The following BICD1 variants were observed in gnomAD, a reference collection of about 807,000 sequenced individuals.
BICD1 encodes the protein BICD cargo adaptor 1.
Under a neutral mutation model 92.5 loss-of-function variants are expected in BICD1, and 35 were observed. The ratio of observed to expected loss-of-function variants is 0.38; its 90% CI spans 0.29 to 0.50. BICD1 has a LOEUF of 0.50. Among genes scored for constraint, BICD1 ranks in the 20% least tolerant of loss-of-function variants. The probability of loss-of-function intolerance (pLI) is 0.93; values close to 1 mark genes in which losing one functional copy is unlikely to be tolerated. For missense variants in BICD1, 950 were observed against 1,189.8 expected, an observed-to-expected ratio of 0.80 and a Z score of 2.97; for synonymous variants, 429 against 465.1, an observed-to-expected ratio of 0.92 and a Z score of 1.00.
At chr12:32,224,183 C>G (rs968013351) in intron 2 of BICD1, among the ~76,000 whole-genome samples, 2 of 152,184 alleles carry the variant, frequency 1.3e-5, no homozygotes, top group Non-Finnish European at 2.9e-5. Context: ...TTGGCTCTTG[C>G]TGGGAAGTTT....
chr12:32,260,907 A>T (rs1269169453), intron 2 of BICD1, among the ~76,000 whole-genome samples: 1 of 152,136 alleles, frequency 6.6e-6, no homozygotes, highest in Non-Finnish European at 1.5e-5. Flanking sequence ...TAAAACTTAA[A>T]CTGCTTGAAT....
At chr12:32,274,999 A>G (rs1331662338) in intron 2 of BICD1, among the ~76,000 whole-genome samples, 1 of 117,472 alleles carries the variant, frequency 8.5e-6, no homozygotes, top group Non-Finnish European at 1.8e-5. Flanking sequence ...CATTGTAAAC[A>G]TTGTGTAAGT....
chr12:32,380,153 T>G lies in BICD1; in HGVS notation c.*2526T>G, dbSNP rs1940130160. ...TTCTCATTTTCAGCACAAAATTAAG[T>G]GATAGTCCCTAAGCAGTAAGAGAGA... On this transcript the variant is annotated 3_prime_UTR_variant, in exon 10 of 10. Coordinates refer to ENST00000652176, the MANE Select transcript of BICD1 (RefSeq NM_001714.4). The G allele has an allele frequency of 6.6e-6, 1 of 152,228 alleles. No homozygotes were observed. Among genetic ancestry groups the G allele is most frequent in the East Asian group, 1.9e-4 (1 of 5,206 alleles). The allele number at this position is 152,228 out of a possible 1,614,324, so 9.4% of individuals were successfully genotyped here.
chr12:32,173,543 A>C (rs1298441580), intron 1 of BICD1, among the ~76,000 whole-genome samples: 1 of 152,206 alleles, frequency 6.6e-6, no homozygotes. Flanking sequence ...CATTCTGGTA[A>C]ATGTTCTCTA....
chr12:32,249,989 AAAGC>A (rs146431590), intron 2 of BICD1, among the ~76,000 whole-genome samples: 4,216 of 151,562 alleles, frequency 0.028, 177 homozygotes, highest in African/African-American at 0.087. Flanking sequence ...GGATGTTGGG[AAAGC>A]TGTATGGTGG....
rs142317064 is a variant in BICD1 at position 32,244,788 on chromosome 12, C to T, written c.426+28329C>T. Among the ~76,000 whole-genome samples, 754 of 152,186 alleles carry T rather than the reference C, an allele frequency of 5.0e-3. 1 individual carries two copies. The highest frequency in any genetic ancestry group is 7.7e-3 in the Non-Finnish European group (525 of 68,014). On this transcript the variant is annotated intron_variant, in intron 2 of 9. Transcript: ENST00000652176. ...GGACTACAGGCACGTGCCACCATGC[C>T]CAGCTAATTTTTGTATTTTTAGTAG...
rs1941497068 is a variant in BICD1 at position 32,107,098 on chromosome 12, G to GC, written c.-232dup. On this transcript the variant is annotated 5_prime_UTR_variant, in exon 1 of 10. It removes the in-frame stop codon of an upstream open reading frame in the 5' UTR. Transcript: ENST00000652176. ...GAGGACACATGCGGCGGCCTTTGCCGCCTCGCCCCTGACCCTCTGCCCTGT... is the reference window on the plus strand; with the variant it reads ...GAGGACACATGCGGCGGCCTTTGCCGCCCTCGCCCCTGACCCTCTGCCCTGT... 1 of 526,310 alleles carries GC rather than the reference G, an allele frequency of 1.9e-6. No individual in the cohort carries two copies. Among genetic ancestry groups the GC allele is most frequent in the African/African-American group, 1.9e-5 (1 of 52,270 alleles). 32.6% of individuals were successfully genotyped at this position (526,310 alleles called of 1,614,324 possible).
In BICD1 at chr12:32,377,733, A is replaced by G; in HGVS notation, c.*106A>G. On this transcript the variant is annotated 3_prime_UTR_variant, in exon 10 of 10. Transcript: ENST00000652176. ...TTTCTTCTCGGTTGTTAGATGTACA[A>G]TTGGATTAATGTCCATCGTTTTGGA... The G allele has an allele frequency of 1.0e-6, 1 of 977,914 alleles. No homozygotes were observed. The allele number at this position is 977,914 out of a possible 1,614,324, so 60.6% of individuals were successfully genotyped here.
rs537842506 is a variant in BICD1, at chr12:32,294,808, G to A, written c.579+662G>A. 1.8e-3 allele frequency among the ~76,000 whole-genome samples: 266 copies of A among 151,956 alleles called. 2 individuals carry two copies. The highest frequency in any genetic ancestry group is 5.9e-3 in the African/African-American group (243 of 41,496). On this transcript the variant is annotated intron_variant, in intron 3 of 9. Coordinates refer to ENST00000652176, the MANE Select transcript of BICD1 (RefSeq NM_001714.4). ...AAATTATAAGAAAAAGAGGCCGGGC[G>A]TGGTGGTTCATGCCCGTAATCCCAG...
chr12:32,238,175 G>A (rs1341970150), intron 2 of BICD1, among the ~76,000 whole-genome samples: 2 of 152,144 alleles, frequency 1.3e-5, no homozygotes, highest in Admixed American at 6.5e-5. Flanking sequence ...GGCTGAAGCG[G>A]GTGGATCACA....
chr12:32,208,756 GT>G (rs1463071767), intron 1 of BICD1, among the ~76,000 whole-genome samples: 14 of 152,108 alleles, frequency 9.2e-5, no homozygotes, highest in Non-Finnish European at 1.8e-4. Flanking sequence ...GTTCTAACAT[GT>G]TTAGCTAGGT....
chr12:32,178,201 A>G (rs902170553), intron 1 of BICD1, among the ~76,000 whole-genome samples: 1 of 151,936 alleles, frequency 6.6e-6, no homozygotes, highest in Admixed American at 6.6e-5. Context: ...ATCCCTCAAG[A>G]TTCTATTTGT....
chr12:32,366,255 A>G (rs997174677), intron 8 of BICD1, among the ~76,000 whole-genome samples: 3 of 152,256 alleles, frequency 2.0e-5, no homozygotes, highest in Non-Finnish European at 4.4e-5. Context: ...TTCAAATGTA[A>G]ATATCAGTAG....
At position 32,328,425 on chromosome 12, in the gene BICD1, G is replaced by A. The variant is rs200686810; in HGVS notation, c.1970G>A (p.Arg657Gln). ...LQLSRQRAAA[R>Q]ELAPMIDKDK... ...CTGTCTCGTCAAAGAGCAGCGGCTC[G>A]GGAGCTAGCCCCCATGATTGATAAA... Residue 657 changes from arginine (R) to glutamine (Q), a missense_variant, in exon 5 of 10, where the codon CGG (arginine) becomes CAG (glutamine). Arg to Gln is a conservative substitution (Grantham distance 43). This residue lies in a region of BICD1 where 309 missense variants were observed against 499.4 expected (regional missense o/e 0.62). Coordinates refer to ENST00000652176, the MANE Select transcript of BICD1 (RefSeq NM_001714.4). The surrounding 1 kb of genome is among the most constrained non-coding windows in gnomAD (Gnocchi z 4.4). The A allele has an allele frequency of 7.4e-6, 12 of 1,614,012 alleles. No individual in the cohort carries two copies. Among genetic ancestry groups the A allele is most frequent in the Admixed American group, 1.7e-5 (1 of 60,012 alleles).
intron 1 of BICD1, among the ~76,000 whole-genome samples, chr12:32,175,661 T>G (rs1944070264): frequency 6.6e-6 from 1 of 152,206 alleles, no homozygotes; most frequent in African/African-American, 2.4e-5. Flanking sequence ...TCCAAATACG[T>G]TGGGAAGGTC....
chr12:32,371,461 C>A (rs1459637237), intron 9 of BICD1, among the ~76,000 whole-genome samples: 1 of 152,182 alleles, frequency 6.6e-6, no homozygotes, highest in Non-Finnish European at 1.5e-5. Flanking sequence ...TAGTATAAAC[C>A]AGACAAGGGT....
intron 2 of BICD1, among the ~76,000 whole-genome samples, chr12:32,253,927 CTGTAT>C (rs1946640387): frequency 6.6e-6 from 1 of 150,770 alleles, no homozygotes; most frequent in Non-Finnish European, 1.5e-5. Context: ...ATAATCACTG[CTGTAT>C]CCCACCTGTC....
At chr12:32,267,580 G>A (rs1449359327) in intron 2 of BICD1, among the ~76,000 whole-genome samples, 1 of 152,006 alleles carries the variant, frequency 6.6e-6, no homozygotes, top group Non-Finnish European at 1.5e-5. Context: ...ACAGAAGTAT[G>A]GAATTTTAAT....
rs573873678 is a variant in BICD1 at position 32,107,231 on chromosome 12, G to A, written c.-101G>A. 3 of 1,160,946 alleles carry A rather than the reference G, an allele frequency of 2.6e-6. No homozygotes were observed. Among genetic ancestry groups the A allele is most frequent in the East Asian group, 2.6e-5 (1 of 38,740 alleles). 71.9% of individuals were successfully genotyped at this position (1,160,946 alleles called of 1,614,324 possible). On this transcript the variant is annotated 5_prime_UTR_variant, in exon 1 of 10. Transcript: ENST00000652176. ...TTCATCCGGCCGCACTTTCTTTTCC[G>A]TTTCCACCCATCCCTTCCCATTTCC...
Sources: allele counts gnomAD v4.1 joint callset (sites outside exome capture counted in the v4.1 genomes callset), GRCh38; gene constraint gnomAD v4.1.1; regional missense constraint gnomAD v4.1.1; non-coding constraint Gnocchi (gnomAD v3.1); transcripts MANE v1.5; gene names NCBI Gene and HGNC (gene_info 2026-07-23, HGNC 2026-07-21).